Variants in UNC5A observed in about 807,000 individuals in gnomAD.
UNC5A encodes the protein netrin receptor UNC5A.
UNC5A carries 20 observed loss-of-function variants against 87.4 expected under a neutral mutation model. The observed-to-expected ratio is 0.23, with a 90% CI of 0.16 to 0.33. The LOEUF (loss-of-function observed/expected upper bound fraction) is 0.33, where lower values mean the gene tolerates loss of function less well. Ranked by LOEUF, UNC5A falls within the 10% of genes least tolerant of loss-of-function variation. The pLI is 1.00. For missense variants in UNC5A, 844 were observed against 1,133.4 expected, an observed-to-expected ratio of 0.74 and a Z score of 3.67; for synonymous variants, 438 against 482.3, an observed-to-expected ratio of 0.91 and a Z score of 1.20.
At chr5:176,872,375 A>G (rs1342209081) in intron 6 of UNC5A, among the ~76,000 whole-genome samples, 1 of 16,350 alleles carries the variant, frequency 6.1e-5, no homozygotes, top group African/African-American at 1.7e-4. Flanking sequence ...ATCTGCCCAC[A>G]CTCACCAACA....
At chr5:176,856,520 G>A (rs1416996913) in intron 1 of UNC5A, among the ~76,000 whole-genome samples, 2 of 152,246 alleles carry the variant, frequency 1.3e-5, no homozygotes, top group Non-Finnish European at 2.9e-5. Flanking sequence ...CCCCCAGGGA[G>A]TTTATGGTCT....
rs1758327917 is a variant in UNC5A, at chr5:176,878,647, G to T, written c.2184+8G>T. Reference sequence around the variant, plus strand: ...AACTTCAACATCACCAAGGTGGACGGGAGGGGCTGCCGCACCGCCGTGACG... The same window carrying T: ...AACTTCAACATCACCAAGGTGGACGTGAGGGGCTGCCGCACCGCCGTGACG... On this transcript the variant is annotated splice_region_variant and intron_variant, in intron 13 of 14. Transcript: ENST00000329542. 18 of 1,608,348 alleles carry T rather than the reference G, an allele frequency of 1.1e-5. No individual in the cohort carries two copies. The highest frequency in any genetic ancestry group is 1.4e-5 in the Non-Finnish European group (17 of 1,176,774).
At chr5:176,820,279 C>G (rs919061710) in intron 1 of UNC5A, among the ~76,000 whole-genome samples, 16 of 152,172 alleles carry the variant, frequency 1.1e-4, no homozygotes, top group African/African-American at 3.6e-4. Flanking sequence ...CACCTGTAGT[C>G]CCAGCTACTT....
chr5:176,877,942 C>A lies in UNC5A; in HGVS notation c.1684C>A (p.Gln562Lys). ...GGCGCCCTCCCACCTCTACTACTGC[C>A]AGCTGGAGGCCAGTGCCTGCTACGT... is the stretch of plus-strand genomic sequence containing the variant. ...EEAPSHLYYC[Q>K]LEASACYVFT... Residue 562 changes from glutamine (Q) to lysine (K), a missense_variant, in exon 11 of 15, where the codon CAG (glutamine) becomes AAG (lysine). Gln to Lys is a moderately conservative substitution (Grantham distance 53). Coordinates refer to ENST00000329542, the MANE Select transcript of UNC5A (RefSeq NM_133369.3). 6.2e-7 allele frequency: 1 copy of A among 1,603,874 alleles called. No homozygotes were observed. The highest frequency in any genetic ancestry group is 8.5e-7 in the Non-Finnish European group (1 of 1,179,868).
chr5:176,859,724 A>G (rs504765), intron 1 of UNC5A, among the ~76,000 whole-genome samples: 35 of 73,720 alleles, frequency 4.7e-4, no homozygotes, highest in Non-Finnish European at 1.1e-3. Context: ...TAGAGGGCAT[A>G]GCTGCTAGAA....
In UNC5A at chr5:176,872,149, C is replaced by T. The variant is rs570314192; in HGVS notation, c.886+1615C>T. 1.2e-3 allele frequency among the ~76,000 whole-genome samples: 132 copies of T among 106,820 alleles called. 1 individual carries two copies. The highest frequency in any genetic ancestry group is 1.7e-3 in the Non-Finnish European group (86 of 51,672). The allele number at this position is 106,820 out of a possible 152,430, so 70.1% of individuals were successfully genotyped here. ...CTCACATCTGCCCACACTCGCCCCA[C>T]ACCACAGCTTCCCATCTGCCCACAC... On this transcript the variant is annotated intron_variant, in intron 6 of 14. Coordinates refer to ENST00000329542, the MANE Select transcript of UNC5A (RefSeq NM_133369.3).
chr5:176,850,201 G>T (rs1757510086), intron 1 of UNC5A, among the ~76,000 whole-genome samples: 1 of 152,156 alleles, frequency 6.6e-6, no homozygotes, highest in African/African-American at 2.4e-5. Flanking sequence ...TGCCCTGCAG[G>T]TTTAGGAGGA....
intron 1 of UNC5A, among the ~76,000 whole-genome samples, chr5:176,859,033 C>A (rs774081293): frequency 6.6e-6 from 1 of 152,190 alleles, no homozygotes; most frequent in East Asian, 1.9e-4. Flanking sequence ...CCTGTAGCCC[C>A]GAGAGGACGT....
At position 176,874,435 on chromosome 5, in the gene UNC5A, C is replaced by A. The variant is rs369908144; in HGVS notation, c.1247C>A (p.Thr416Asn). 1 of 1,613,256 alleles carries A rather than the reference C, an allele frequency of 6.2e-7. No homozygotes were observed. Among genetic ancestry groups the A allele is most frequent in the Non-Finnish European group, 8.5e-7 (1 of 1,179,782 alleles). ...CACACACTGCACCACAGCTCTCCCA[C>A]CTCTGAGGCCGAGGAGTTCGTCTCC... ...GRHTLHHSSP[T>N]SEAEEFVSRL... The change falls in exon 8 of 15, where the codon ACC becomes AAC. Residue 416 changes from threonine to asparagine, a missense_variant. Coordinates refer to ENST00000329542, the MANE Select transcript of UNC5A (RefSeq NM_133369.3). This position sits in a 1 kb window ranked among gnomAD's most constrained non-coding sequence, Gnocchi z 7.6.
Position 176,868,915 on chromosome 5 carries a change from G to A in UNC5A, c.672G>A (p.Lys224=), listed in dbSNP as rs913227189. The A allele has an allele frequency of 4.2e-5, 68 of 1,612,470 alleles. No individual in the cohort carries two copies. The highest frequency in any genetic ancestry group is 5.7e-5 in the Non-Finnish European group (67 of 1,179,732). ...CGGCCAACTACACCTGCGTGGCCAAGAACATCGTGGCACGTCGCCGCAGCG... is the reference window on the plus strand; with the variant it reads ...CGGCCAACTACACCTGCGTGGCCAAAAACATCGTGGCACGTCGCCGCAGCG... ...ADTANYTCVA[K]NIVARRRSAS... is the part of the protein sequence containing the mutation. Residue 224 remains lysine (K), a synonymous_variant, in exon 5 of 15, where the codon AAG becomes AAA. Transcript: ENST00000329542.
chr5:176,867,332 G>C (rs954276685), intron 2 of UNC5A, among the ~76,000 whole-genome samples: 4 of 152,170 alleles, frequency 2.6e-5, no homozygotes, highest in Admixed American at 6.5e-5. Context: ...GGCAGAAGGT[G>C]GGGGGCTGAG....
intron 2 of UNC5A, among the ~76,000 whole-genome samples, chr5:176,863,807 C>CTCCTCCCCCTCCT: frequency 1.5e-4 from 1 of 6,664 alleles, no homozygotes; most frequent in Non-Finnish European, 3.9e-4. Context: ...TCCCTCCTTC[C>CTCCTCCCCCTCCT]CCTCCTCCCC....
intron 9 of UNC5A, 49 bp from the exon 10 acceptor site, chr5:176,877,486 G>C (rs755462801): frequency 6.5e-7 from 1 of 1,547,804 alleles, no homozygotes; most frequent in Non-Finnish European, 8.8e-7. Flanking sequence ...CAGGACCCAG[G>C]ATGGGCCACT....
chr5:176,817,791 G>A (rs1756629923), intron 1 of UNC5A, among the ~76,000 whole-genome samples: 1 of 151,912 alleles, frequency 6.6e-6, no homozygotes, highest in South Asian at 2.1e-4. Context: ...GCCATTCGCC[G>A]CGGCGCCCGT....
intron 1 of UNC5A, among the ~76,000 whole-genome samples, chr5:176,831,881 C>T (rs1490611837): frequency 3.2e-5 from 1 of 31,242 alleles, no homozygotes; most frequent in African/African-American, 4.7e-5. Flanking sequence ...CACTTTCTCT[C>T]TCTCTTTTTT....
intron 1 of UNC5A, among the ~76,000 whole-genome samples, chr5:176,836,079 G>C (rs1291193431): frequency 6.6e-6 from 1 of 152,224 alleles, no homozygotes; most frequent in Non-Finnish European, 1.5e-5. Context: ...ACTGGTGAGG[G>C]ATGAGCTTTA....
chr5:176,824,927 C>A lies in UNC5A; in HGVS notation c.70+14107C>A, dbSNP rs1051626396. Among the ~76,000 whole-genome samples, 2 of 152,182 alleles carry A rather than the reference C, an allele frequency of 1.3e-5. No homozygotes were observed. Among genetic ancestry groups the A allele is most frequent in the Non-Finnish European group, 2.9e-5 (2 of 68,026 alleles). On this transcript the variant is annotated intron_variant, in intron 1 of 14. Coordinates refer to ENST00000329542, the MANE Select transcript of UNC5A (RefSeq NM_133369.3). This position sits in a 1 kb window ranked among gnomAD's most constrained non-coding sequence, Gnocchi z 4.2. ...CACTCACCCCCGCTCCCGTGCACAC[C>A]AAGGCTGCGTCTCCCCACCCTGTGC...
At chr5:176,857,471 C>G (rs1757694525) in intron 1 of UNC5A, among the ~76,000 whole-genome samples, 1 of 152,090 alleles carries the variant, frequency 6.6e-6, no homozygotes, top group South Asian at 2.1e-4. Flanking sequence ...GCTGCCACCC[C>G]CGTTGGCCCC....
At chr5:176,856,452 G>A (rs980578092) in intron 1 of UNC5A, among the ~76,000 whole-genome samples, 5 of 151,874 alleles carry the variant, frequency 3.3e-5, no homozygotes, top group Non-Finnish European at 2.9e-5. Context: ...AAAAAGCGGT[G>A]GTCATTCAGT....
Sources: allele counts gnomAD v4.1 joint callset (sites outside exome capture counted in the v4.1 genomes callset), GRCh38; gene constraint gnomAD v4.1.1; non-coding constraint Gnocchi (gnomAD v3.1); transcripts MANE v1.5; gene names NCBI Gene and HGNC (gene_info 2026-07-23, HGNC 2026-07-21).